Variants in PRKG1 observed in about 807,000 individuals in gnomAD.
PRKG1 encodes the protein protein kinase cGMP-dependent 1.
In PRKG1, 35 loss-of-function variants were observed where a neutral mutation model predicts 88.1. The ratio of observed to expected loss-of-function variants is 0.40; its 90% CI spans 0.30 to 0.53. PRKG1 has a LOEUF of 0.53. PRKG1 is among the 20% of genes least tolerant of loss of function. PRKG1 has a pLI of 0.59. For synonymous variants in PRKG1, 303 were observed against 292.5 expected (o/e 1.04, Z -0.37); for missense variants, 540 against 839.8 (o/e 0.64, Z 4.41).
intron 3 of PRKG1, among the ~76,000 whole-genome samples, chr10:51,598,860 G>T (rs976205087): frequency 6.6e-6 from 1 of 152,090 alleles, no homozygotes; most frequent in African/African-American, 2.4e-5. Context: ...AAAAATAAAA[G>T]GGGTGAGAAG....
chr10:52,246,549 T>G (rs1841026575), intron 9 of PRKG1, among the ~76,000 whole-genome samples: 1 of 152,090 alleles, frequency 6.6e-6, no homozygotes, highest in African/African-American at 2.4e-5. Flanking sequence ...TGTTACTCCT[T>G]AGTTCTTAAA....
chr10:51,518,653 G>A (rs1386532124), intron 3 of PRKG1, among the ~76,000 whole-genome samples: 1 of 152,158 alleles, frequency 6.6e-6, no homozygotes, highest in Non-Finnish European at 1.5e-5. Context: ...CTGAAGTAGG[G>A]CAATGAGCTT....
intron 2 of PRKG1, among the ~76,000 whole-genome samples, chr10:51,181,442 C>T (rs1426304929): frequency 6.6e-6 from 1 of 150,558 alleles, no homozygotes; most frequent in Admixed American, 6.6e-5. Flanking sequence ...GGGGTTTCAC[C>T]TTGTTAGCCA....
chr10:51,822,206 T>A lies in PRKG1; in HGVS notation c.698+17516T>A, dbSNP rs759924345. ...TGTGTATATGGTGTGTGTATTTATA[T>A]GTGTGTATACACACACAATGAAATA... On this transcript the variant is annotated intron_variant, in intron 4 of 17. Coordinates refer to ENST00000373980, the MANE Select transcript of PRKG1 (RefSeq NM_006258.4). Among the ~76,000 whole-genome samples, 103 of 152,252 alleles carry A rather than the reference T, an allele frequency of 6.8e-4. 1 individual carries two copies. The highest frequency in any genetic ancestry group is 1.4e-3 in the Non-Finnish European group (92 of 68,016).
At chr10:51,912,189 T>C (rs2132957245) in intron 5 of PRKG1, among the ~76,000 whole-genome samples, 1 of 152,256 alleles carries the variant, frequency 6.6e-6, no homozygotes, top group Non-Finnish European at 1.5e-5. Context: ...TAGGAATGAG[T>C]TTGCTGCTCT....
At chr10:52,092,739 G>C (rs1186615023) in intron 7 of PRKG1, among the ~76,000 whole-genome samples, 1 of 152,094 alleles carries the variant, frequency 6.6e-6, no homozygotes, top group African/African-American at 2.4e-5. Context: ...AAGTTTTACT[G>C]GTTAGCAAAA....
chr10:52,211,525 G>A (rs1458136283), intron 9 of PRKG1, among the ~76,000 whole-genome samples: 3 of 151,970 alleles, frequency 2.0e-5, no homozygotes, highest in Non-Finnish European at 2.9e-5. Flanking sequence ...TTTAGAAATT[G>A]CTACTATCAG....
intron 2 of PRKG1, among the ~76,000 whole-genome samples, chr10:51,181,351 C>G (rs1236366969): frequency 6.8e-6 from 1 of 146,434 alleles, no homozygotes; most frequent in Non-Finnish European, 1.5e-5. Flanking sequence ...ACGCCATTCT[C>G]CTGCCTCAGC....
At chr10:51,312,215 C>T (rs1269601350) in intron 2 of PRKG1, among the ~76,000 whole-genome samples, 1 of 152,248 alleles carries the variant, frequency 6.6e-6, no homozygotes, top group African/African-American at 2.4e-5. Flanking sequence ...CCTGAGTGGA[C>T]CCATTCTCCT....
At chr10:51,882,355 CATAA>C (rs1438673421) in intron 4 of PRKG1, among the ~76,000 whole-genome samples, 1 of 152,142 alleles carries the variant, frequency 6.6e-6, no homozygotes, top group Non-Finnish European at 1.5e-5. Flanking sequence ...CATGTGACTT[CATAA>C]ATAAATCTTC....
chr10:52,000,083 C>T (rs1420387550), intron 5 of PRKG1, among the ~76,000 whole-genome samples: 2 of 151,984 alleles, frequency 1.3e-5, no homozygotes, highest in Non-Finnish European at 2.9e-5. Flanking sequence ...AGTTCACTCA[C>T]ACCCTTTCCA....
intron 3 of PRKG1, among the ~76,000 whole-genome samples, chr10:51,657,045 A>G (rs1209441183): frequency 1.3e-5 from 2 of 152,148 alleles, no homozygotes; most frequent in Admixed American, 6.6e-5. Flanking sequence ...AGTTATTGTG[A>G]TAATAAAATG....
intron 9 of PRKG1, among the ~76,000 whole-genome samples, chr10:52,240,838 A>G (rs1398568117): frequency 6.6e-6 from 1 of 152,092 alleles, no homozygotes; most frequent in Non-Finnish European, 1.5e-5. Context: ...CCCTGGATAC[A>G]TTTTCCTGTG....
intron 3 of PRKG1, among the ~76,000 whole-genome samples, chr10:51,702,932 C>T (rs140877905): frequency 2.0e-5 from 3 of 152,104 alleles, no homozygotes; most frequent in Non-Finnish European, 1.5e-5. Flanking sequence ...TGAGCTCAAG[C>T]GATCTGCTTG....
chr10:51,613,725 A>C (rs1222213046), intron 3 of PRKG1, among the ~76,000 whole-genome samples: 1 of 151,556 alleles, frequency 6.6e-6, no homozygotes, highest in Non-Finnish European at 1.5e-5. Flanking sequence ...TTTTCATATA[A>C]ATTTTTTCAT....
At chr10:51,979,914 A>G (rs1843962306) in intron 5 of PRKG1, among the ~76,000 whole-genome samples, 1 of 151,594 alleles carries the variant, frequency 6.6e-6, no homozygotes, top group Non-Finnish European at 1.5e-5. Context: ...CAGTCTATCT[A>G]ATTTATATTT....
At chr10:51,918,921 T>G (rs1050327650) in intron 5 of PRKG1, among the ~76,000 whole-genome samples, 2 of 152,116 alleles carry the variant, frequency 1.3e-5, no homozygotes, top group African/African-American at 4.8e-5. Context: ...ACAGTTGGCA[T>G]CTAAGGCATA....
intron 3 of PRKG1, among the ~76,000 whole-genome samples, chr10:51,759,451 G>C (rs529409256): frequency 6.6e-6 from 1 of 152,102 alleles, no homozygotes; most frequent in Non-Finnish European, 1.5e-5. Context: ...ATTTTTAGCA[G>C]AGATGGGGTT....
At chr10:51,546,536 C>G (rs1352579677) in intron 3 of PRKG1, among the ~76,000 whole-genome samples, 2 of 151,972 alleles carry the variant, frequency 1.3e-5, no homozygotes, top group Non-Finnish European at 2.9e-5. Context: ...CTGAGACAAG[C>G]CTGTATATGC....
Sources: gnomAD v4.1 joint callset for allele counts (sites outside exome capture counted in the v4.1 genomes callset) on GRCh38, gnomAD v4.1.1 for gene constraint, MANE v1.5 for transcripts, NCBI Gene and HGNC (gene_info 2026-07-23, HGNC 2026-07-21) for gene names.